LRRC41: variants seen among roughly 807,000 people sequenced by gnomAD.
LRRC41 encodes the protein leucine rich repeat containing 41.
In LRRC41, 17 loss-of-function variants were observed where a neutral mutation model predicts 72.1. The ratio of observed to expected loss-of-function variants is 0.24; its 90% CI spans 0.16 to 0.35. LRRC41 has a LOEUF of 0.35. LRRC41 is among the 10% of genes least tolerant of loss of function. LRRC41 has a pLI of 1.00. For synonymous variants in LRRC41, 427 were observed against 431.0 expected, an observed-to-expected ratio of 0.99 and a Z score of 0.11; for missense variants, 759 against 1,065.0, an observed-to-expected ratio of 0.71 and a Z score of 4.00.
rs1015424960 is a variant in LRRC41 at position 46,302,160 on chromosome 1, G to A, written c.199+964C>T. ...CATCCAGGCCCGGCCCTTTGGTCCC[G>A]GCCGCCTTCAGGCCTGGGGCCCCCG... On this transcript the variant is annotated intron_variant, in intron 1 of 9. Coordinates refer to ENST00000617190, the MANE Select transcript of LRRC41 (RefSeq NM_006369.5). The surrounding 1 kb of genome is among the most constrained non-coding windows in gnomAD (Gnocchi z 4.7). 2.0e-6 allele frequency: 2 copies of A among 984,764 alleles called. No individual in the cohort carries two copies. The highest frequency in any genetic ancestry group is 3.5e-5 in the African/African-American group (2 of 57,094). 61.0% of individuals were successfully genotyped at this position (984,764 alleles called of 1,614,324 possible).
Position 46,303,518 on chromosome 1 carries a change from T to A in LRRC41, c.-196A>T. The stretch of plus-strand genomic sequence containing the variant: ...AACTCCTAGATCAATTATACTTGGG[T>A]GTGGTATGACTAAGGGGATGTTTCT... On this transcript the variant is annotated 5_prime_UTR_variant, in exon 1 of 10. Coordinates refer to ENST00000617190, the MANE Select transcript of LRRC41 (RefSeq NM_006369.5). The A allele has an allele frequency of 2.7e-6, 2 of 737,508 alleles. No individual in the cohort carries two copies. Among genetic ancestry groups the A allele is most frequent in the Non-Finnish European group, 4.3e-6 (2 of 462,336 alleles). 45.7% of individuals were successfully genotyped at this position (737,508 alleles called of 1,614,324 possible).
rs897560859 is a variant in LRRC41, at chr1:46,303,124, C to T, written c.199G>A (p.Ala67Thr). The change falls in exon 1 of 10, where the codon GCC becomes ACC. Residue 67 changes from alanine (A) to threonine (T), a missense_variant and splice_region_variant. Coordinates refer to ENST00000617190, the MANE Select transcript of LRRC41 (RefSeq NM_006369.5). ...GGTAGCCCCTCACCCCGCGACTTAC[C>T]CCACACCCCGCTCTCCAGAACCCCC... ...HMGVLESGVWALPGPILQSIL... is the reference protein window; with the variant it reads ...HMGVLESGVWTLPGPILQSIL... The T allele has an allele frequency of 2.1e-6, 3 of 1,445,450 alleles. No homozygotes were observed. The highest frequency in any genetic ancestry group is 1.5e-5 in the African/African-American group (1 of 67,688). The allele number at this position is 1,445,450 out of a possible 1,614,324, so 89.5% of individuals were successfully genotyped here.
chr1:46,279,030 G>T lies in LRRC41; in HGVS notation c.2274C>A (p.Arg758=). Residue 758 remains arginine, a synonymous_variant, in exon 10 of 10, where the codon CGC becomes CGA. Transcript: ENST00000617190. This position sits in a 1 kb window ranked among gnomAD's most constrained non-coding sequence, Gnocchi z 4.5. ...GLLEFAKRLE[R]WGRGAFGHLR... is the part of the protein sequence containing the mutation. ...GGTGACCAAAGGCTCCACGGCCCCA[G>T]CGCTCCAGCCGCTTGGCGAACTCCA... 1 of 1,612,600 alleles carries T rather than the reference G, an allele frequency of 6.2e-7. No individual in the cohort carries two copies. The highest frequency in any genetic ancestry group is 1.3e-5 in the African/African-American group (1 of 75,018).
At chr1:46,291,463 T>C (rs1010427100) in intron 3 of LRRC41, among the ~76,000 whole-genome samples, 1 of 151,806 alleles carries the variant, frequency 6.6e-6, no homozygotes, top group Non-Finnish European at 1.5e-5. Context: ...GCCTCCCAAG[T>C]AGTAGGGACT....
chr1:46,291,476 A>G (rs1183165049), intron 3 of LRRC41, among the ~76,000 whole-genome samples: 1 of 151,374 alleles, frequency 6.6e-6, no homozygotes, highest in Non-Finnish European at 1.5e-5. Context: ...TAGGGACTAT[A>G]GACGCATGCC....
chr1:46,290,649 T>C (rs1660988972), intron 3 of LRRC41, among the ~76,000 whole-genome samples: 1 of 151,144 alleles, frequency 6.6e-6, no homozygotes, highest in Admixed American at 6.6e-5. Context: ...CGCCCTGGTC[T>C]GGGCTGGAGT....
At chr1:46,281,468 T>G in intron 4 of LRRC41, 83 bp from the exon 5 acceptor site, 1 of 1,346,222 alleles carries the variant, frequency 7.4e-7, no homozygotes, top group Non-Finnish European at 1.0e-6. Context: ...CAAATACTTT[T>G]GGTTACTAGC....
intron 1 of LRRC41, among the ~76,000 whole-genome samples, chr1:46,301,297 TCTTC>T: frequency 6.6e-6 from 1 of 152,200 alleles, no homozygotes; most frequent in East Asian, 1.9e-4. Flanking sequence ...CACCCAGTCA[TCTTC>T]CTTTTTAGCC....
chr1:46,280,305 G>A lies in LRRC41; in HGVS notation c.1922-15C>T, dbSNP rs780204375. On this transcript the variant is annotated splice_polypyrimidine_tract_variant and intron_variant, in intron 6 of 9. Transcript: ENST00000617190. ...TAGGTTGTACTCTGGATAGGAGGCA[G>A]AGACCATGGACCATGGACCTTAGCT... The A allele has an allele frequency of 5.6e-6, 9 of 1,612,834 alleles. No homozygotes were observed. The East Asian group carries it at 2.0e-4, about 36-fold the overall frequency.
At chr1:46,289,211 A>G (rs1660949725) in intron 3 of LRRC41, among the ~76,000 whole-genome samples, 1 of 152,236 alleles carries the variant, frequency 6.6e-6, no homozygotes, top group Non-Finnish European at 1.5e-5. Flanking sequence ...CACAGTGATC[A>G]GGAACATGCA....
Position 46,285,586 on chromosome 1 carries a change from T to C in LRRC41, c.1271A>G (p.Lys424Arg), listed in dbSNP as rs1660867459. ...AATCTCCATCTCTTCGCCATCCTCC[T>C]TCTCGCCAGCCACAATAAAAACGAA... ...YDFVFIVAGE[K>R]EDGEEMEIGE... Residue 424 changes from lysine to arginine, a missense_variant, in exon 4 of 10, where the codon AAG (lysine) becomes AGG (arginine). Lys to Arg is a conservative substitution (Grantham distance 26, BLOSUM62 2). Coordinates refer to ENST00000617190, the MANE Select transcript of LRRC41 (RefSeq NM_006369.5). The surrounding 1 kb of genome is among the most constrained non-coding windows in gnomAD (Gnocchi z 5.3). 6.2e-7 allele frequency: 1 copy of C among 1,613,564 alleles called. No individual in the cohort carries two copies. The highest frequency in any genetic ancestry group is 1.1e-5 in the South Asian group (1 of 91,042).
intron 3 of LRRC41, among the ~76,000 whole-genome samples, chr1:46,287,865 A>C (rs2148318166): frequency 6.6e-6 from 1 of 152,374 alleles, no homozygotes; most frequent in South Asian, 2.1e-4. Flanking sequence ...TAGAAAGCAG[A>C]AACCAAATCT....
chr1:46,280,557 T>A lies in LRRC41; in HGVS notation c.1760A>T (p.Asn587Ile). 6.2e-7 allele frequency: 1 copy of A among 1,613,416 alleles called. No individual in the cohort carries two copies. Among genetic ancestry groups the A allele is most frequent in the Non-Finnish European group, 8.5e-7 (1 of 1,179,866 alleles). Residue 587 changes from asparagine to isoleucine, a missense_variant, in exon 6 of 10, where the codon AAC becomes ATC. Asn to Ile is a moderately radical substitution (Grantham distance 149). Around this residue, in one of 4 missense-constraint regions of LRRC41, gnomAD observed 427 missense variants for 520.9 expected, o/e 0.82. Coordinates refer to ENST00000617190, the MANE Select transcript of LRRC41 (RefSeq NM_006369.5). The stretch of plus-strand genomic sequence containing the variant: ...TCCCATCTCCAACTGCTCCAGGCAG[T>A]TTTCTGGATATGGTGGGGAAAGAAG... ...HIIGDEEIPE[N>I]CLEQLEMGFP...
At position 46,279,726 on chromosome 1, in the gene LRRC41, G is replaced by A; in HGVS notation, c.2021-112C>T. ...TTAACATTATAGAGGCCCAAAAAGA[G>A]GAAGGAATTTGTCTAGACTCCAAGC... On this transcript the variant is annotated intron_variant, in intron 7 of 9. Transcript: ENST00000617190. This position sits in a 1 kb window ranked among gnomAD's most constrained non-coding sequence, Gnocchi z 4.5. 7.8e-7 allele frequency: 1 copy of A among 1,288,954 alleles called. No individual in the cohort carries two copies. The highest frequency in any genetic ancestry group is 1.1e-6 in the Non-Finnish European group (1 of 919,082). 79.8% of individuals were successfully genotyped at this position (1,288,954 alleles called of 1,614,324 possible).
rs1660689848 is a variant in LRRC41, at chr1:46,278,425, T to TAAG, written c.*437_*439dup. ...TGATGTTTGCCCAAAATTTATTTTA[T>TAAG]AAGAAAAACTTTTTTGGTTAAAAAA... On this transcript the variant is annotated 3_prime_UTR_variant, in exon 10 of 10. Transcript: ENST00000617190. 4.0e-6 allele frequency: 4 copies of TAAG among 998,288 alleles called. No homozygotes were observed. The highest frequency in any genetic ancestry group is 6.0e-6 in the Non-Finnish European group (4 of 666,746). The allele number at this position is 998,288 out of a possible 1,614,324, so 61.8% of individuals were successfully genotyped here. A position where few individuals can be genotyped will look rare whatever the true frequency, so the allele number is the denominator to read the frequency against.
Position 46,277,907 on chromosome 1 carries a change from C to T in LRRC41, c.*958G>A, listed in dbSNP as rs144347182. ...GGTGGATGAGGAGCAGGATGTAGAG[C>T]GCCACTTCTCTCTGGGCGAGTTGAA... On this transcript the variant is annotated 3_prime_UTR_variant, in exon 10 of 10. Transcript: ENST00000617190. 5.9e-5 allele frequency: 96 copies of T among 1,613,914 alleles called. No homozygotes were observed. Among genetic ancestry groups the T allele is most frequent in the Non-Finnish European group, 6.8e-5 (80 of 1,180,012 alleles).
In LRRC41 at chr1:46,302,251, C is replaced by T. The variant is rs925645630; in HGVS notation, c.199+873G>A. The T allele has an allele frequency of 2.8e-4, 279 of 985,380 alleles. 1 individual carries two copies. Among genetic ancestry groups the T allele is most frequent in the Non-Finnish European group, 3.3e-4 (271 of 829,900 alleles). 61.0% of individuals were successfully genotyped at this position (985,380 alleles called of 1,614,324 possible). A position where few individuals can be genotyped will look rare whatever the true frequency, so the allele number is the denominator to read the frequency against. ...CCCCCTGCCACGGCAGCCCGGCAGTCCGGGATCCCCGGGCCGTCGCCCCGC... is the reference window on the plus strand; with the variant it reads ...CCCCCTGCCACGGCAGCCCGGCAGTTCGGGATCCCCGGGCCGTCGCCCCGC... On this transcript the variant is annotated intron_variant, in intron 1 of 9. Coordinates refer to ENST00000617190, the MANE Select transcript of LRRC41 (RefSeq NM_006369.5). The surrounding 1 kb of genome is among the most constrained non-coding windows in gnomAD (Gnocchi z 4.7).
chr1:46,280,644 C>T (rs1660753935), intron 5 of LRRC41, 84 bp from the exon 6 acceptor site: 4 of 1,379,308 alleles, frequency 2.9e-6, no homozygotes, highest in African/African-American at 2.9e-5. Context: ...TTAAGGGATT[C>T]ATCTAAAAAA....
Position 46,302,235 on chromosome 1 carries a change from A to C in LRRC41, c.199+889T>G. ...TCTTGGCGGCGCCGCGCCCCCTGCC[A>C]CGGCAGCCCGGCAGTCCGGGATCCC... On this transcript the variant is annotated intron_variant, in intron 1 of 9. Transcript: ENST00000617190. The surrounding 1 kb of genome is among the most constrained non-coding windows in gnomAD (Gnocchi z 4.7). 6 of 984,768 alleles carry C rather than the reference A, an allele frequency of 6.1e-6. No homozygotes were observed. The highest frequency in any genetic ancestry group is 6.0e-6 in the Non-Finnish European group (5 of 829,710). 61.0% of individuals were successfully genotyped at this position (984,768 alleles called of 1,614,324 possible).
Sources: allele counts gnomAD v4.1 joint callset (sites outside exome capture counted in the v4.1 genomes callset), GRCh38; gene constraint gnomAD v4.1.1; regional missense constraint gnomAD v4.1.1; non-coding constraint Gnocchi (gnomAD v3.1); transcripts MANE v1.5; gene names NCBI Gene and HGNC (gene_info 2026-07-23, HGNC 2026-07-21).